The following PRKCZ variants were observed in gnomAD, a reference collection of about 807,000 sequenced individuals.
PRKCZ encodes the protein protein kinase C zeta, also known as protein kinase C zeta type.
Under a neutral mutation model 79.5 loss-of-function variants are expected in PRKCZ, and 33 were observed. That is an observed-to-expected ratio of 0.41 (90% CI 0.31 to 0.55). The LOEUF (loss-of-function observed/expected upper bound fraction) is 0.55, where lower values mean the gene tolerates loss of function less well. Among genes scored for constraint, PRKCZ ranks in the 20% least tolerant of loss-of-function variants. The probability of loss-of-function intolerance (pLI) is 0.19; values close to 1 mark genes in which losing one functional copy is unlikely to be tolerated. For missense variants in PRKCZ, 578 were observed against 813.5 expected (o/e 0.71, Z 3.52); for synonymous variants, 342 against 320.9 (o/e 1.07, Z -0.70).
intron 4 of PRKCZ, among the ~76,000 whole-genome samples, chr1:2,088,741 C>T (rs1181131251): frequency 3.9e-5 from 6 of 152,298 alleles, no homozygotes; most frequent in East Asian, 1.9e-4. Context: ...TCCCAGGCGG[C>T]GGCGTCTCTT....
At chr1:2,162,528 C>T (rs1458714065) in intron 10 of PRKCZ, among the ~76,000 whole-genome samples, 1 of 152,206 alleles carries the variant, frequency 6.6e-6, no homozygotes, top group Non-Finnish European at 1.5e-5. Context: ...TTCAGGAACC[C>T]GGTTTACCTT....
intron 4 of PRKCZ, among the ~76,000 whole-genome samples, chr1:2,069,321 A>T (rs934157717): frequency 5.9e-5 from 9 of 151,770 alleles, no homozygotes; most frequent in African/African-American, 2.2e-4. Flanking sequence ...CAGCTGGAGA[A>T]CCCCCGTGAG....
chr1:2,101,455 C>T (rs1403595905), intron 4 of PRKCZ, among the ~76,000 whole-genome samples: 3 of 152,150 alleles, frequency 2.0e-5, no homozygotes, highest in Non-Finnish European at 4.4e-5. Context: ...ACCCCTGGTG[C>T]GAGACATCCT....
In PRKCZ at chr1:2,082,132, G is replaced by A; in HGVS notation, c.334+22541G>A. ...AGTGTCTTTCCACACGGCCATCCGA[G>A]GGCGGACGTGGTCAGGGGTGCTGGA... On this transcript the variant is annotated intron_variant, in intron 4 of 17. Coordinates refer to ENST00000378567, the MANE Select transcript of PRKCZ (RefSeq NM_002744.6). The surrounding 1 kb of genome is among the most constrained non-coding windows in gnomAD (Gnocchi z 4.4). The A allele has an allele frequency of 3.1e-6, 1 of 324,196 alleles. No homozygotes were observed. Among genetic ancestry groups the A allele is most frequent in the Admixed American group, 4.7e-5 (1 of 21,316 alleles). 20.1% of individuals were successfully genotyped at this position (324,196 alleles called of 1,614,324 possible).
intron 10 of PRKCZ, among the ~76,000 whole-genome samples, chr1:2,157,790 G>C (rs1324972598): frequency 6.7e-6 from 1 of 149,864 alleles, no homozygotes; most frequent in African/African-American, 2.5e-5. Flanking sequence ...CTGGGCTCCT[G>C]CCTCAGCCTC....
chr1:2,154,698 AT>A (rs1571871220), intron 9 of PRKCZ, among the ~76,000 whole-genome samples: 1 of 152,058 alleles, frequency 6.6e-6, no homozygotes, highest in African/African-American at 2.4e-5. Context: ...TTTCACTGTC[AT>A]TTTTCTAACC....
chr1:2,069,151 G>A (rs1316379839), intron 4 of PRKCZ, among the ~76,000 whole-genome samples: 4 of 151,480 alleles, frequency 2.6e-5, no homozygotes, highest in East Asian at 2.0e-4. Flanking sequence ...TGCGACCCCC[G>A]GCACCTCCGT....
chr1:2,053,175 A>G (rs2102197482), intron 1 of PRKCZ, among the ~76,000 whole-genome samples: 1 of 148,174 alleles, frequency 6.7e-6, no homozygotes, highest in Admixed American at 6.8e-5. Flanking sequence ...GTCTCGGCCC[A>G]CTGTATCCTT....
intron 4 of PRKCZ, among the ~76,000 whole-genome samples, chr1:2,062,251 G>A (rs1469322599): frequency 4.6e-5 from 7 of 151,896 alleles, no homozygotes; most frequent in African/African-American, 1.5e-4. Context: ...GCCCGTCATC[G>A]GTCACTCCCT....
chr1:2,100,952 G>C (rs955074470), intron 4 of PRKCZ, among the ~76,000 whole-genome samples: 1 of 150,504 alleles, frequency 6.6e-6, no homozygotes, highest in Non-Finnish European at 1.5e-5. Flanking sequence ...CTCCTGGCCA[G>C]TTCATCTTTC....
At position 2,160,734 on chromosome 1, in the gene PRKCZ, G is replaced by C. The variant is rs530437910; in HGVS notation, c.974+4642G>C. Among the ~76,000 whole-genome samples, 24 of 152,278 alleles carry C rather than the reference G, an allele frequency of 1.6e-4. No individual in the cohort carries two copies. The South Asian group carries it at 1.7e-3, about 11-fold the overall frequency. On this transcript the variant is annotated intron_variant, in intron 10 of 17. Coordinates refer to ENST00000378567, the MANE Select transcript of PRKCZ (RefSeq NM_002744.6). ...GGGGAGGAGGGGCCTGTCCCCATGTGGGGGAGTCACCCCGGTTCGCAGAAG... is the reference window on the plus strand; with the variant it reads ...GGGGAGGAGGGGCCTGTCCCCATGTCGGGGAGTCACCCCGGTTCGCAGAAG...
rs767804751 is a variant in PRKCZ at position 2,174,736 on chromosome 1, C to T, written c.1406-18C>T. ...GCACACAACACAGGCAAGTCCTCAC[C>T]AGGCTCCGCCCTTGCAGTGATCCTG... is the stretch of plus-strand genomic sequence containing the variant. On this transcript the variant is annotated intron_variant, in intron 14 of 17. Transcript: ENST00000378567. The surrounding 1 kb of genome is among the most constrained non-coding windows in gnomAD (Gnocchi z 6.2). 1.2e-6 allele frequency: 2 copies of T among 1,612,736 alleles called. No homozygotes were observed. The highest frequency in any genetic ancestry group is 1.1e-5 in the South Asian group (1 of 91,046).
intron 4 of PRKCZ, among the ~76,000 whole-genome samples, chr1:2,089,691 C>T (rs1008781546): frequency 5.3e-5 from 8 of 152,292 alleles, no homozygotes; most frequent in African/African-American, 1.7e-4. Context: ...GTGAGGATTT[C>T]AGCGTGTGAA....
rs1685225645 is a variant in PRKCZ, at chr1:2,175,329, G to C, written c.1575+16G>C. The C allele has an allele frequency of 2.5e-6, 4 of 1,603,146 alleles. No individual in the cohort carries two copies. Among genetic ancestry groups the C allele is most frequent in the Non-Finnish European group, 3.4e-6 (4 of 1,171,602 alleles). Reference sequence around the variant, plus strand: ...CTGGGACTTGGTAAAGCATCACAAAGCCTATTTGCACCCCCATCCCCATCC... The same window carrying C: ...CTGGGACTTGGTAAAGCATCACAAACCCTATTTGCACCCCCATCCCCATCC... On this transcript the variant is annotated intron_variant, in intron 16 of 17. Transcript: ENST00000378567.
chr1:2,155,414 AGTG>A (rs943231633), intron 9 of PRKCZ, among the ~76,000 whole-genome samples: 4 of 149,250 alleles, frequency 2.7e-5, no homozygotes, highest in Admixed American at 1.3e-4. Context: ...TGATGATGGC[AGTG>A]GTGATGACAG....
chr1:2,128,625 T>G lies in PRKCZ; in HGVS notation c.335-6637T>G, dbSNP rs1385037993. 6.6e-6 allele frequency among the ~76,000 whole-genome samples: 1 copy of G among 152,132 alleles called. No individual in the cohort carries two copies. The highest frequency in any genetic ancestry group is 6.5e-5 in the Admixed American group (1 of 15,268). On this transcript the variant is annotated intron_variant, in intron 4 of 17. Transcript: ENST00000378567. This position sits in a 1 kb window ranked among gnomAD's most constrained non-coding sequence, Gnocchi z 6.5. ...GCGGCCCCTGTGATCCCCACAATTT[T>G]GTTCCCTGCTTGCTTCAGCAGAGCC...
At chr1:2,119,999 G>T (rs777217036) in intron 4 of PRKCZ, among the ~76,000 whole-genome samples, 1 of 152,052 alleles carries the variant, frequency 6.6e-6, no homozygotes, top group Non-Finnish European at 1.5e-5. Context: ...TCTGGAGGGT[G>T]TTCTCCACTC....
At chr1:2,083,646 T>C (rs1213227085) in intron 4 of PRKCZ, among the ~76,000 whole-genome samples, 1 of 152,158 alleles carries the variant, frequency 6.6e-6, no homozygotes, top group Non-Finnish European at 1.5e-5. Context: ...GGGTTAAGAT[T>C]GTGAGGAAAT....
Position 2,059,414 on chromosome 1 carries a change from T to G in PRKCZ, c.284-127T>G, listed in dbSNP as rs1313104473. 3 of 1,129,796 alleles carry G rather than the reference T, an allele frequency of 2.7e-6. No homozygotes were observed. In the African/African-American group the frequency reaches 4.6e-5, roughly 17 times the overall value. 70.0% of individuals were successfully genotyped at this position (1,129,796 alleles called of 1,614,324 possible). On this transcript the variant is annotated intron_variant, in intron 3 of 17. Coordinates refer to ENST00000378567, the MANE Select transcript of PRKCZ (RefSeq NM_002744.6). ...GCGTCTCCCAGGAGCGGGCTCTCAT[T>G]GGCAGTGCCACGTGCGCCTTGCGTG...
Sources: allele counts gnomAD v4.1 joint callset (sites outside exome capture counted in the v4.1 genomes callset), GRCh38; gene constraint gnomAD v4.1.1; non-coding constraint Gnocchi (gnomAD v3.1); transcripts MANE v1.5; gene names NCBI Gene and HGNC (gene_info 2026-07-23, HGNC 2026-07-21).